Variants in RNF41 observed in about 807,000 individuals in gnomAD.
RNF41 encodes the protein E3 ubiquitin-protein ligase NRDP1.
RNF41 carries 4 observed loss-of-function variants against 33.0 expected under a neutral mutation model. The ratio of observed to expected loss-of-function variants is 0.12; its 90% CI spans 0.06 to 0.28. The LOEUF is 0.28. Ranked by LOEUF, RNF41 falls within the 10% of genes least tolerant of loss-of-function variation. RNF41 has a pLI of 1.00. For missense variants in RNF41, 228 were observed against 432.6 expected, an observed-to-expected ratio of 0.53 and a Z score of 4.19; for synonymous variants, 164 against 153.2, an observed-to-expected ratio of 1.07 and a Z score of -0.52.
intron 3 of RNF41, chr12:56,213,088 T>C (rs1172888364): frequency 3.1e-6 from 4 of 1,289,678 alleles, no homozygotes; most frequent in Non-Finnish European, 3.0e-6. Flanking sequence ...CTATTGAAGG[T>C]GGCAGCTTTC....
chr12:56,206,215 C>T lies in RNF41; in HGVS notation c.*232G>A, dbSNP rs1868262738. 6.0e-6 allele frequency: 3 copies of T among 497,192 alleles called. No homozygotes were observed. Among genetic ancestry groups the T allele is most frequent in the Non-Finnish European group, 1.1e-5 (3 of 281,228 alleles). 30.8% of individuals were successfully genotyped at this position (497,192 alleles called of 1,614,324 possible). A position where few individuals can be genotyped will look rare whatever the true frequency, so the allele number is the denominator to read the frequency against. On this transcript the variant is annotated 3_prime_UTR_variant, in exon 7 of 7. Coordinates refer to ENST00000345093, the MANE Select transcript of RNF41 (RefSeq NM_005785.4). The surrounding 1 kb of genome is among the most constrained non-coding windows in gnomAD (Gnocchi z 5.7). ...GGAGGTGGGGGCTTTCCCACCCAGA[C>T]TGATAATTTATAGACATTTTAGGGG...
intron 4 of RNF41, among the ~76,000 whole-genome samples, chr12:56,209,131 C>A (rs891280398): frequency 1.3e-5 from 2 of 148,874 alleles, no homozygotes; most frequent in African/African-American, 5.0e-5. Context: ...TCCCAAAGTG[C>A]TGGGATTACA....
At chr12:56,210,663 G>C (rs981348539) in intron 3 of RNF41, 95 bp from the exon 4 acceptor site, 18 of 1,295,070 alleles carry the variant, frequency 1.4e-5, no homozygotes, top group Non-Finnish European at 1.8e-5. Context: ...TCAAGCCTTT[G>C]AGCAGCCTCT....
intron 4 of RNF41, among the ~76,000 whole-genome samples, chr12:56,209,703 C>A (rs986815881): frequency 6.6e-6 from 1 of 152,104 alleles, no homozygotes; most frequent in South Asian, 2.1e-4. Context: ...GTGATCCACC[C>A]GCCTTGGCCT....
In RNF41 at chr12:56,204,450, A is replaced by G. The variant is rs1440390197; in HGVS notation, c.*1997T>C. 1 of 152,250 alleles carries G rather than the reference A, an allele frequency of 6.6e-6. No individual in the cohort carries two copies. The highest frequency in any genetic ancestry group is 1.5e-5 in the Non-Finnish European group (1 of 68,060). The allele number at this position is 152,250 out of a possible 1,614,324, so 9.4% of individuals were successfully genotyped here. A position where few individuals can be genotyped will look rare whatever the true frequency, so the allele number is the denominator to read the frequency against. The stretch of plus-strand genomic sequence containing the variant: ...AAGAAAGGGAATTAAGGTGAGAGAA[A>G]GGCAAAAGCAGAGGGGAAACCTTCT... On this transcript the variant is annotated 3_prime_UTR_variant, in exon 7 of 7. Coordinates refer to ENST00000345093, the MANE Select transcript of RNF41 (RefSeq NM_005785.4).
chr12:56,205,900 G>A lies in RNF41; in HGVS notation c.*547C>T, dbSNP rs755400637. 6.5e-6 allele frequency: 1 copy of A among 154,360 alleles called. No homozygotes were observed. Among genetic ancestry groups the A allele is most frequent in the African/African-American group, 2.4e-5 (1 of 41,460 alleles). The allele number at this position is 154,360 out of a possible 1,614,324, so 9.6% of individuals were successfully genotyped here. A position where few individuals can be genotyped will look rare whatever the true frequency, so the allele number is the denominator to read the frequency against. ...GTGGGTGCCTACACCTTTAAGGTGG[G>A]CTGAACAGGGATACTGCTTGGCACA... is the stretch of plus-strand genomic sequence containing the variant. On this transcript the variant is annotated 3_prime_UTR_variant, in exon 7 of 7. Transcript: ENST00000345093.
chr12:56,209,870 C>T (rs1028542527), intron 4 of RNF41, among the ~76,000 whole-genome samples: 6 of 152,162 alleles, frequency 3.9e-5, no homozygotes, highest in Non-Finnish European at 7.3e-5. Context: ...TCCCAAAGTG[C>T]TAGGATTACA....
Position 56,204,661 on chromosome 12 carries a change from G to C in RNF41, c.*1786C>G, listed in dbSNP as rs775031054. ...TGAGGGTAAGGACAGGACAGTATGA[G>C]CCTTGGTTAAGGCAGGTAGGGGAAA... On this transcript the variant is annotated 3_prime_UTR_variant, in exon 7 of 7. Coordinates refer to ENST00000345093, the MANE Select transcript of RNF41 (RefSeq NM_005785.4). 1.3e-5 allele frequency: 2 copies of C among 152,696 alleles called. No individual in the cohort carries two copies. Among genetic ancestry groups the C allele is most frequent in the Non-Finnish European group, 2.9e-5 (2 of 68,114 alleles). 9.5% of individuals were successfully genotyped at this position (152,696 alleles called of 1,614,324 possible). A position where few individuals can be genotyped will look rare whatever the true frequency, so the allele number is the denominator to read the frequency against.
At chr12:56,219,352 C>A (rs1050956254) in intron 1 of RNF41, among the ~76,000 whole-genome samples, 1 of 151,680 alleles carries the variant, frequency 6.6e-6, no homozygotes, top group African/African-American at 2.4e-5. Flanking sequence ...CCAGGACGCC[C>A]AGCTAATTTT....
chr12:56,216,121 C>CA lies in RNF41; in HGVS notation c.-24+307dup, dbSNP rs967992100. Among the ~76,000 whole-genome samples, 160 of 126,630 alleles carry CA rather than the reference C, an allele frequency of 1.3e-3. 1 individual carries two copies. The highest frequency in any genetic ancestry group is 1.3e-3 in the Admixed American group (17 of 12,722). 83.1% of individuals were successfully genotyped at this position (126,630 alleles called of 152,430 possible). ...TAGGCGACAGAGCAAGACTCTGTCT[C>CA]AAAAAAAAAAAAGAAGAAACACATA... On this transcript the variant is annotated intron_variant, in intron 2 of 6. Coordinates refer to ENST00000345093, the MANE Select transcript of RNF41 (RefSeq NM_005785.4).
At position 56,214,095 on chromosome 12, in the gene RNF41, G is replaced by T; in HGVS notation, c.-23-25C>A. 3.2e-6 allele frequency: 4 copies of T among 1,267,742 alleles called. No homozygotes were observed. The East Asian group carries it at 6.9e-5, about 22-fold the overall frequency. 78.5% of individuals were successfully genotyped at this position (1,267,742 alleles called of 1,614,324 possible). ...CCTGAAAGGACAACAGGAAAAAGAGGCCAGTTCAGAAGAAGCCTACAAATA... is the reference window on the plus strand; with the variant it reads ...CCTGAAAGGACAACAGGAAAAAGAGTCCAGTTCAGAAGAAGCCTACAAATA... On this transcript the variant is annotated intron_variant, in intron 2 of 6. Transcript: ENST00000345093.
At chr12:56,209,373 C>T (rs1868346703) in intron 4 of RNF41, among the ~76,000 whole-genome samples, 1 of 151,694 alleles carries the variant, frequency 6.6e-6, no homozygotes, top group South Asian at 2.1e-4. Flanking sequence ...CTCACTACAA[C>T]CTCTACCTCT....
chr12:56,218,400 C>G (rs1192023340), intron 1 of RNF41, among the ~76,000 whole-genome samples: 2 of 145,566 alleles, frequency 1.4e-5, no homozygotes, highest in Non-Finnish European at 3.0e-5. Context: ...ATAGCTGGGA[C>G]CACAGGCACA....
rs1868254718 is a variant in RNF41 at position 56,205,656 on chromosome 12, G to A, written c.*791C>T. ...CAAAGTAACTAACTACAGTCACAGGGCTAGAGAGGGGTCTATGGAACAATT... is the reference window on the plus strand; with the variant it reads ...CAAAGTAACTAACTACAGTCACAGGACTAGAGAGGGGTCTATGGAACAATT... On this transcript the variant is annotated 3_prime_UTR_variant, in exon 7 of 7. Transcript: ENST00000345093. 1 of 152,540 alleles carries A rather than the reference G, an allele frequency of 6.6e-6. No individual in the cohort carries two copies. The highest frequency in any genetic ancestry group is 2.4e-5 in the African/African-American group (1 of 41,406). The allele number at this position is 152,540 out of a possible 1,614,324, so 9.4% of individuals were successfully genotyped here. A position where few individuals can be genotyped will look rare whatever the true frequency, so the allele number is the denominator to read the frequency against.
chr12:56,214,169 A>G, intron 2 of RNF41, 99 bp from the exon 3 acceptor site: 1 of 733,056 alleles, frequency 1.4e-6, no homozygotes, highest in South Asian at 1.5e-5. Context: ...TATCCAACAA[A>G]TATTTACTGG....
rs1878770047 is a variant in RNF41 at position 56,204,803 on chromosome 12, G to A, written c.*1644C>T. 6.5e-6 allele frequency: 1 copy of A among 152,680 alleles called. No individual in the cohort carries two copies. The highest frequency in any genetic ancestry group is 2.4e-5 in the African/African-American group (1 of 41,438). The allele number at this position is 152,680 out of a possible 1,614,324, so 9.5% of individuals were successfully genotyped here. A position where few individuals can be genotyped will look rare whatever the true frequency, so the allele number is the denominator to read the frequency against. The stretch of plus-strand genomic sequence containing the variant: ...TCAAGCTTTCCACCCCAATCCCAGT[G>A]GAGCCATGATCCAACTACCCAGACC... On this transcript the variant is annotated 3_prime_UTR_variant, in exon 7 of 7. Transcript: ENST00000345093.
In RNF41 at chr12:56,206,262, C is replaced by G. The variant is rs1868263285; in HGVS notation, c.*185G>C. On this transcript the variant is annotated 3_prime_UTR_variant, in exon 7 of 7. Transcript: ENST00000345093. This position sits in a 1 kb window ranked among gnomAD's most constrained non-coding sequence, Gnocchi z 5.7. ...GGGGAATATGGCAAAGGGAGGAAATCTGGGTTTCCCACCTGAAAGGCTGAG... is the reference window on the plus strand; with the variant it reads ...GGGGAATATGGCAAAGGGAGGAAATGTGGGTTTCCCACCTGAAAGGCTGAG... 6 of 600,782 alleles carry G rather than the reference C, an allele frequency of 1.0e-5. No homozygotes were observed. Among genetic ancestry groups the G allele is most frequent in the South Asian group, 8.8e-5 (4 of 45,694 alleles). The allele number at this position is 600,782 out of a possible 1,614,324, so 37.2% of individuals were successfully genotyped here.
Position 56,206,559 on chromosome 12 carries a change from G to A in RNF41, c.842C>T (p.Pro281Leu). The A allele has an allele frequency of 6.2e-7, 1 of 1,614,198 alleles. No homozygotes were observed. The highest frequency in any genetic ancestry group is 8.5e-7 in the Non-Finnish European group (1 of 1,180,028). ...YYENYVAKRIPGKQAVVVMAC... is the reference protein window; with the variant it reads ...YYENYVAKRILGKQAVVVMAC... ...CATCACGACAACAGCCTGCTTGCCA[G>A]GGATGCGCTTGGCCACGTAGTTCTC... is the stretch of plus-strand genomic sequence containing the variant. Residue 281 changes from proline (P) to leucine (L), a missense_variant, in exon 7 of 7, where the codon CCT becomes CTT. By Grantham distance (98) the Pro-to-Leu change is moderately conservative. Coordinates refer to ENST00000345093, the MANE Select transcript of RNF41 (RefSeq NM_005785.4). The surrounding 1 kb of genome is among the most constrained non-coding windows in gnomAD (Gnocchi z 5.7).
Position 56,207,083 on chromosome 12 carries a change from CTA to C in RNF41, c.603-287_603-286del, listed in dbSNP as rs897193156. ...TATAGCGCCTAACACAGTTAGTGCT[CTA>C]TGTTTAGTGAATAAAACAATTATTC... On this transcript the variant is annotated intron_variant, in intron 6 of 6. Coordinates refer to ENST00000345093, the MANE Select transcript of RNF41 (RefSeq NM_005785.4). 62 of 1,340,850 alleles carry C rather than the reference CTA, an allele frequency of 4.6e-5. 1 individual carries two copies. Among genetic ancestry groups the C allele is most frequent in the Admixed American group, 2.7e-4 (9 of 33,192 alleles). 83.1% of individuals were successfully genotyped at this position (1,340,850 alleles called of 1,614,324 possible).
Sources: allele counts gnomAD v4.1 joint callset (sites outside exome capture counted in the v4.1 genomes callset), GRCh38; gene constraint gnomAD v4.1.1; non-coding constraint Gnocchi (gnomAD v3.1); transcripts MANE v1.5; gene names NCBI Gene and HGNC (gene_info 2026-07-23, HGNC 2026-07-21).